Variants in AGK observed in about 807,000 individuals in gnomAD.
The protein encoded by AGK is acylglycerol kinase, also known as acylglycerol kinase, mitochondrial.
AGK carries 52 observed loss-of-function variants against 66.4 expected under a neutral mutation model. The ratio of observed to expected loss-of-function variants is 0.78; its 90% CI spans 0.63 to 0.99. The LOEUF is 0.99. AGK is among the 50% of genes least tolerant of loss of function. The probability of loss-of-function intolerance (pLI) is 0.00; values close to 1 mark genes in which losing one functional copy is unlikely to be tolerated. For missense variants in AGK, 451 were observed against 506.6 expected, an observed-to-expected ratio of 0.89 and a Z score of 1.05; for synonymous variants, 182 against 181.1, an observed-to-expected ratio of 1.00 and a Z score of -0.04.
intron 2 of AGK, among the ~76,000 whole-genome samples, chr7:141,584,376 A>G (rs1795950689): frequency 6.6e-6 from 1 of 152,174 alleles, no homozygotes; most frequent in Admixed American, 6.5e-5. Context: ...GCTTCGGGCC[A>G]TCTGGACGCA....
At chr7:141,652,052 A>G (rs1562988287) in intron 15 of AGK, among the ~76,000 whole-genome samples, 1 of 152,228 alleles carries the variant, frequency 6.6e-6, no homozygotes, top group Non-Finnish European at 1.5e-5. Context: ...TGCCATGCTT[A>G]GAATAACCTA....
intron 14 of AGK, among the ~76,000 whole-genome samples, chr7:141,651,249 A>ATGAT (rs1342414295): frequency 6.6e-6 from 1 of 152,228 alleles, no homozygotes; most frequent in African/African-American, 2.4e-5. Flanking sequence ...TACATGTGGA[A>ATGAT]TGATTATTTT....
At chr7:141,608,889 A>T (rs1224728931) in intron 5 of AGK, among the ~76,000 whole-genome samples, 2 of 152,196 alleles carry the variant, frequency 1.3e-5, no homozygotes, top group East Asian at 3.9e-4. Flanking sequence ...GGAAATGAGG[A>T]CAGTATGAAA....
At chr7:141,652,585 G>A (rs1221581073) in intron 15 of AGK, 1 of 444,458 alleles carries the variant, frequency 2.2e-6, no homozygotes, top group Non-Finnish European at 4.0e-6. Flanking sequence ...TTCATGGATG[G>A]TAGAATTAGG....
intron 9 of AGK, among the ~76,000 whole-genome samples, chr7:141,631,746 T>C (rs1296076812): frequency 6.6e-6 from 1 of 152,198 alleles, no homozygotes; most frequent in African/African-American, 2.4e-5. Flanking sequence ...AATTAGAGCA[T>C]GTCACTTCTC....
chr7:141,637,068 C>T lies in AGK; in HGVS notation c.726+51C>T, dbSNP rs371994654. The stretch of plus-strand genomic sequence containing the variant: ...TTTGCTGTGTTATTTTGTTGTTTCT[C>T]TGTAATGCATATATTTGGTATTTTT... On this transcript the variant is annotated intron_variant, in intron 11 of 15. Coordinates refer to ENST00000649286, the MANE Select transcript of AGK (RefSeq NM_018238.4). 21 of 1,461,270 alleles carry T rather than the reference C, an allele frequency of 1.4e-5. No homozygotes were observed. The African/African-American group carries it at 2.4e-4, about 17-fold the overall frequency. The allele number at this position is 1,461,270 out of a possible 1,614,324, so 90.5% of individuals were successfully genotyped here.
In AGK at chr7:141,614,239, T is replaced by C. The variant is rs1796658031; in HGVS notation, c.423+61T>C. The C allele has an allele frequency of 2.4e-6, 3 of 1,266,166 alleles. No individual in the cohort carries two copies. In the East Asian group the frequency reaches 7.6e-5, roughly 32 times the overall value. The allele number at this position is 1,266,166 out of a possible 1,614,324, so 78.4% of individuals were successfully genotyped here. On this transcript the variant is annotated intron_variant, in intron 7 of 15. Transcript: ENST00000649286. The stretch of plus-strand genomic sequence containing the variant: ...TTTTTCTGTTCTTTTTTATTGCTTT[T>C]CTTTCTTTTACTTTTTTTTTCCATT...
At chr7:141,585,631 G>C (rs1052949151) in intron 2 of AGK, among the ~76,000 whole-genome samples, 1 of 152,154 alleles carries the variant, frequency 6.6e-6, no homozygotes, top group African/African-American at 2.4e-5. Context: ...GACAGATCAA[G>C]GTGGTTTTTC....
chr7:141,604,428 A>G (rs1796412436), intron 5 of AGK, among the ~76,000 whole-genome samples: 1 of 146,976 alleles, frequency 6.8e-6, no homozygotes, highest in Non-Finnish European at 1.5e-5. Flanking sequence ...ACACACACAT[A>G]TTATTTTCTG....
intron 2 of AGK, among the ~76,000 whole-genome samples, chr7:141,580,332 T>G (rs1795855023): frequency 6.6e-6 from 1 of 151,946 alleles, no homozygotes; most frequent in African/African-American, 2.4e-5. Context: ...CCTTTGCTGG[T>G]GAGTGGCAAT....
chr7:141,591,080 TTG>T (rs1455580947), intron 2 of AGK, among the ~76,000 whole-genome samples: 6 of 127,176 alleles, frequency 4.7e-5, no homozygotes, highest in East Asian at 2.3e-4. Context: ...GGTTCTTAAG[TTG>T]TTTTTTTTTT....
At chr7:141,581,661 A>C (rs1795883149) in intron 2 of AGK, among the ~76,000 whole-genome samples, 1 of 151,810 alleles carries the variant, frequency 6.6e-6, no homozygotes, top group African/African-American at 2.4e-5. Context: ...GAGGTGTCCT[A>C]TACTTGTGGA....
intron 2 of AGK, among the ~76,000 whole-genome samples, chr7:141,561,029 G>A (rs186048421): frequency 0.012 from 1,825 of 152,176 alleles, 17 homozygotes; most frequent in African/African-American, 0.02. Flanking sequence ...TCCTGACCTC[G>A]TGATCCGCCC....
intron 9 of AGK, among the ~76,000 whole-genome samples, chr7:141,622,309 G>A (rs1264455925): frequency 6.6e-6 from 1 of 151,990 alleles, no homozygotes; most frequent in Non-Finnish European, 1.5e-5. Flanking sequence ...TGACCTCTTT[G>A]TTATACAGGC....
At chr7:141,640,036 T>C (rs1797254473) in intron 11 of AGK, among the ~76,000 whole-genome samples, 1 of 152,136 alleles carries the variant, frequency 6.6e-6, no homozygotes, top group Non-Finnish European at 1.5e-5. Flanking sequence ...CTCAATGTGA[T>C]TGAAAACTTG....
intron 8 of AGK, among the ~76,000 whole-genome samples, chr7:141,620,261 A>G (rs1008607766): frequency 6.6e-6 from 1 of 152,218 alleles, no homozygotes; most frequent in Non-Finnish European, 1.5e-5. Context: ...TGATAGTTAT[A>G]TGACTGCAGC....
intron 11 of AGK, among the ~76,000 whole-genome samples, chr7:141,639,285 T>A (rs1797236326): frequency 6.6e-6 from 1 of 152,146 alleles, no homozygotes; most frequent in African/African-American, 2.4e-5. Flanking sequence ...CGCTACTCCT[T>A]CAAGAAACCT....
intron 4 of AGK, among the ~76,000 whole-genome samples, chr7:141,600,239 A>C (rs12672291): frequency 0.03 from 4,589 of 152,204 alleles, 110 homozygotes; most frequent in South Asian, 0.14. Flanking sequence ...TAATAGTTGA[A>C]ATATTTGAGT....
intron 5 of AGK, among the ~76,000 whole-genome samples, chr7:141,602,860 A>C (rs1024201127): frequency 5.3e-5 from 8 of 151,810 alleles, no homozygotes; most frequent in African/African-American, 1.9e-4. Context: ...TAATATTTTT[A>C]TTATTTATTT....
Sources: allele counts gnomAD v4.1 joint callset (sites outside exome capture counted in the v4.1 genomes callset), GRCh38; gene constraint gnomAD v4.1.1; transcripts MANE v1.5; gene names NCBI Gene and HGNC (gene_info 2026-07-23, HGNC 2026-07-21).